Variants in EGFR observed in about 807,000 individuals in gnomAD.
EGFR encodes the protein epidermal growth factor receptor.
A neutral mutation model predicts 143.0 loss-of-function variants in EGFR; 58 were observed. The ratio of observed to expected loss-of-function variants is 0.41; its 90% CI spans 0.33 to 0.50. The LOEUF is 0.50. Ranked by LOEUF, EGFR falls within the 20% of genes least tolerant of loss-of-function variation. The probability of loss-of-function intolerance (pLI) is 0.39; values close to 1 mark genes in which losing one functional copy is unlikely to be tolerated. For missense variants in EGFR, 1,307 were observed against 1,579.0 expected (o/e 0.83, Z 2.92); for synonymous variants, 613 against 594.4 (o/e 1.03, Z -0.45).
chr7:55,062,840 C>T (rs1445138713), intron 1 of EGFR, among the ~76,000 whole-genome samples: 1 of 152,042 alleles, frequency 6.6e-6, no homozygotes, highest in African/African-American at 2.4e-5. Flanking sequence ...AAAGTTTGTG[C>T]AGCCCTTGCT....
intron 1 of EGFR, among the ~76,000 whole-genome samples, chr7:55,118,520 G>A (rs1339669557): frequency 6.6e-6 from 1 of 152,222 alleles, no homozygotes; most frequent in East Asian, 1.9e-4. Flanking sequence ...CTGTGTGGAA[G>A]GTTGCCACCT....
At chr7:55,096,487 C>T (rs1013159059) in intron 1 of EGFR, among the ~76,000 whole-genome samples, 2 of 152,048 alleles carry the variant, frequency 1.3e-5, no homozygotes, top group Non-Finnish European at 2.9e-5. Context: ...TAACATCAGG[C>T]GATGGGGATA....
intron 1 of EGFR, among the ~76,000 whole-genome samples, chr7:55,141,991 A>G (rs904050307): frequency 6.6e-6 from 1 of 152,214 alleles, no homozygotes; most frequent in Admixed American, 6.5e-5. Flanking sequence ...ATGCAATTCA[A>G]TGCATTATAG....
intron 11 of EGFR, among the ~76,000 whole-genome samples, chr7:55,159,535 C>G (rs1248332635): frequency 6.6e-6 from 1 of 152,202 alleles, no homozygotes; most frequent in East Asian, 1.9e-4. Flanking sequence ...GAGGAAGGCC[C>G]CACTTCCCAG....
chr7:55,121,920 C>T (rs1227283847), intron 1 of EGFR, among the ~76,000 whole-genome samples: 4 of 152,248 alleles, frequency 2.6e-5, no homozygotes, highest in African/African-American at 9.6e-5. Flanking sequence ...CAGTTCCCTG[C>T]TGCCCAGTTC....
At chr7:55,066,217 A>G (rs1328078869) in intron 1 of EGFR, among the ~76,000 whole-genome samples, 1 of 152,220 alleles carries the variant, frequency 6.6e-6, no homozygotes, top group Admixed American at 6.5e-5. Context: ...TCTGAAAACT[A>G]CAGCCTACAT....
At position 55,209,297 on chromosome 7, in the gene EGFR, G is replaced by C. The variant is rs1788184115; in HGVS notation, c.*3680G>C. Reference sequence around the variant, plus strand: ...AGAATAAAAGGCTGGGTAGGGTAGAGATTCCCATGTGCAGTGGAGAGAACA... The same window carrying C: ...AGAATAAAAGGCTGGGTAGGGTAGACATTCCCATGTGCAGTGGAGAGAACA... On this transcript the variant is annotated 3_prime_UTR_variant, in exon 28 of 28. Coordinates refer to ENST00000275493, the MANE Select transcript of EGFR (RefSeq NM_005228.5). 1 of 152,208 alleles carries C rather than the reference G, an allele frequency of 6.6e-6. No individual in the cohort carries two copies. The highest frequency in any genetic ancestry group is 3.2e-3 in the Middle Eastern group (1 of 316). The allele number at this position is 152,208 out of a possible 1,614,324, so 9.4% of individuals were successfully genotyped here.
intron 19 of EGFR, among the ~76,000 whole-genome samples, chr7:55,176,876 T>A (rs990328837): frequency 2.7e-5 from 4 of 146,654 alleles, no homozygotes; most frequent in Non-Finnish European, 6.0e-5. Flanking sequence ...TTATATATAT[T>A]TTATATATAT....
At chr7:55,171,802 C>G (rs944814591) in intron 16 of EGFR, among the ~76,000 whole-genome samples, 3 of 152,112 alleles carry the variant, frequency 2.0e-5, no homozygotes, top group African/African-American at 4.8e-5. Flanking sequence ...GGCGTCTAGC[C>G]AGGAATCATG....
chr7:55,147,105 G>T (rs1794807655), intron 4 of EGFR, among the ~76,000 whole-genome samples: 1 of 152,346 alleles, frequency 6.6e-6, no homozygotes, highest in Non-Finnish European at 1.5e-5. Flanking sequence ...GTCTCCAGAG[G>T]CTACCCGGCC....
rs560992076 is a variant in EGFR at position 55,080,042 on chromosome 7, T to A, written c.88+60677T>A. Among the ~76,000 whole-genome samples the A allele has an allele frequency of 5.3e-5, 8 of 152,354 alleles. No homozygotes were observed. The South Asian group carries it at 1.2e-3, about 24-fold the overall frequency. ...TTTAATTTTTTTATTTTATGGATCA[T>A]ACTTTTTGTGTCAGGTTTGAGAAGT... On this transcript the variant is annotated intron_variant, in intron 1 of 27. Transcript: ENST00000275493.
At chr7:55,065,320 C>T (rs530950278) in intron 1 of EGFR, among the ~76,000 whole-genome samples, 4 of 152,268 alleles carry the variant, frequency 2.6e-5, no homozygotes, top group East Asian at 3.9e-4. Context: ...GTGACTCATG[C>T]GCTGTGTGGA....
intron 1 of EGFR, among the ~76,000 whole-genome samples, chr7:55,040,978 C>T (rs1161363967): frequency 6.6e-6 from 1 of 152,210 alleles, no homozygotes; most frequent in African/African-American, 2.4e-5. Context: ...ACCCTGACAA[C>T]TTGATGATCT....
rs201214891 is a variant in EGFR at position 55,205,659 on chromosome 7, G to T, written c.*42G>T. 4 of 1,613,708 alleles carry T rather than the reference G, an allele frequency of 2.5e-6. No individual in the cohort carries two copies. Among genetic ancestry groups the T allele is most frequent in the Admixed American group, 1.7e-5 (1 of 60,010 alleles). The stretch of plus-strand genomic sequence containing the variant: ...GAGCCCTAAAAATCCAGACTCTTTC[G>T]ATACCCAGGACCAAGCCACAGCAGG... On this transcript the variant is annotated 3_prime_UTR_variant, in exon 28 of 28. Transcript: ENST00000275493.
chr7:55,106,308 G>T (rs576918156), intron 1 of EGFR, among the ~76,000 whole-genome samples: 2 of 152,172 alleles, frequency 1.3e-5, no homozygotes, highest in Admixed American at 6.5e-5. Context: ...AGGGCCCCTC[G>T]CCCTAACTCA....
chr7:55,191,962 A>G (rs2128964914), intron 21 of EGFR, 88 bp downstream of exon 21: 1 of 1,578,340 alleles, frequency 6.3e-7, no homozygotes. Context: ...TAACACATGC[A>G]GGGGAGGATG....
chr7:55,153,279 G>A (rs1281453080), intron 6 of EGFR, among the ~76,000 whole-genome samples: 1 of 152,254 alleles, frequency 6.6e-6, no homozygotes, highest in Non-Finnish European at 1.5e-5. Flanking sequence ...AAGCCTTGCT[G>A]CCCCAGCGGG....
intron 1 of EGFR, among the ~76,000 whole-genome samples, chr7:55,134,067 A>G (rs1185854678): frequency 6.6e-6 from 1 of 152,212 alleles, no homozygotes; most frequent in African/African-American, 2.4e-5. Context: ...CCTCTCACAC[A>G]GAGGGATTTT....
rs117021333 is a variant in EGFR at position 55,137,550 on chromosome 7, A to G, written c.89-4736A>G. 6.9e-3 allele frequency among the ~76,000 whole-genome samples: 1,050 copies of G among 152,328 alleles called. 4 individuals carry two copies. The highest frequency in any genetic ancestry group is 0.011 in the Non-Finnish European group (739 of 68,026). ...TTGCTTTTATTTTCAGTTAAAATAA[A>G]GTGAGGAGTTTCTCAAGAAAAATAA... is the stretch of plus-strand genomic sequence containing the variant. On this transcript the variant is annotated intron_variant, in intron 1 of 27. Coordinates refer to ENST00000275493, the MANE Select transcript of EGFR (RefSeq NM_005228.5).
Sources: gnomAD v4.1 joint callset for allele counts (sites outside exome capture counted in the v4.1 genomes callset) on GRCh38, gnomAD v4.1.1 for gene constraint, MANE v1.5 for transcripts, NCBI Gene and HGNC (gene_info 2026-07-23, HGNC 2026-07-21) for gene names.